SND1: variants seen among roughly 807,000 people sequenced by gnomAD.
SND1 encodes the protein staphylococcal nuclease domain-containing protein 1.
SND1 carries 38 observed loss-of-function variants against 121.7 expected under a neutral mutation model. That is an observed-to-expected ratio of 0.31 (90% CI 0.24 to 0.41). The LOEUF (loss-of-function observed/expected upper bound fraction) is 0.41. SND1 is among the 10% of genes least tolerant of loss of function. The pLI, the probability that SND1 is intolerant of heterozygous loss-of-function variation, is 1.00. For synonymous variants in SND1, 401 were observed against 447.4 expected (o/e 0.90, Z 1.31); for missense variants, 868 against 1,184.6 (o/e 0.73, Z 3.92).
chr7:127,887,772 C>T, intron 12 of SND1, 130 bp from the exon 13 acceptor site: 2 of 589,402 alleles, frequency 3.4e-6, no homozygotes. Context: ...ACTCATAGGT[C>T]TTGAAACCTT....
intron 12 of SND1, chr7:127,857,789 G>C: frequency 1.4e-6 from 1 of 707,812 alleles, no homozygotes; most frequent in Admixed American, 2.1e-5. Context: ...TGAGACACTT[G>C]GACCTCCTCC....
At chr7:128,059,080 C>G (rs1260728806) in intron 16 of SND1, among the ~76,000 whole-genome samples, 2 of 152,350 alleles carry the variant, frequency 1.3e-5, no homozygotes, top group Admixed American at 1.3e-4. Context: ...CTCGTTCCTT[C>G]TTCTACCCTG....
intron 10 of SND1, among the ~76,000 whole-genome samples, chr7:127,773,393 A>G (rs920904916): frequency 3.3e-5 from 5 of 152,016 alleles, no homozygotes; most frequent in African/African-American, 1.2e-4. Flanking sequence ...CAGAGGTTGC[A>G]GTGAGCTGAG....
intron 12 of SND1, among the ~76,000 whole-genome samples, chr7:127,854,991 G>A (rs1277164396): frequency 1.3e-5 from 2 of 149,696 alleles, no homozygotes; most frequent in African/African-American, 4.9e-5. Context: ...TATTTTGGGG[G>A]TGCTTCTTTT....
intron 17 of SND1, 151 bp downstream of exon 17, chr7:128,074,841 A>G: frequency 1.3e-6 from 1 of 758,584 alleles, no homozygotes; most frequent in Non-Finnish European, 2.1e-6. Context: ...AAGGCCACAC[A>G]CAGGCGAGGA....
intron 14 of SND1, among the ~76,000 whole-genome samples, chr7:127,909,575 AG>A (rs1800412757): frequency 6.6e-6 from 1 of 151,872 alleles, no homozygotes; most frequent in African/African-American, 2.4e-5. Flanking sequence ...CTCCTGACTC[AG>A]CCTCCTGAGT....
At chr7:127,944,297 C>T (rs575452469) in intron 15 of SND1, among the ~76,000 whole-genome samples, 218 of 152,360 alleles carry the variant, frequency 1.4e-3, no homozygotes, top group Non-Finnish European at 2.4e-3. Flanking sequence ...CAAAGCCGCC[C>T]ACCAGAGTCA....
chr7:128,013,054 TCA>T (rs1229568368), intron 16 of SND1, among the ~76,000 whole-genome samples: 6 of 152,202 alleles, frequency 3.9e-5, no homozygotes, highest in Non-Finnish European at 8.8e-5. Context: ...TTTGTTTTCC[TCA>T]CACAGTCAGA....
chr7:127,941,951 A>C (rs1318607755), intron 15 of SND1, among the ~76,000 whole-genome samples: 1 of 119,048 alleles, frequency 8.4e-6, no homozygotes, highest in Non-Finnish European at 1.6e-5. Flanking sequence ...AGTGCTACTG[A>C]TTGGGAAGTG....
chr7:127,897,235 T>A (rs1800138852), intron 13 of SND1, among the ~76,000 whole-genome samples: 3 of 152,146 alleles, frequency 2.0e-5, no homozygotes, highest in African/African-American at 4.8e-5. Flanking sequence ...GAGAGCCAAA[T>A]CTCTGGGCTA....
At chr7:127,956,939 C>A (rs973183955) in intron 15 of SND1, among the ~76,000 whole-genome samples, 1 of 152,152 alleles carries the variant, frequency 6.6e-6, no homozygotes, top group African/African-American at 2.4e-5. Flanking sequence ...CTGTTTCAGT[C>A]CCTGTCATAT....
chr7:128,079,741 C>G (rs913751387), intron 17 of SND1, among the ~76,000 whole-genome samples: 2 of 152,246 alleles, frequency 1.3e-5, no homozygotes, highest in Admixed American at 6.5e-5. Context: ...TGTCCTGAAG[C>G]TCCTGAGGAA....
At chr7:128,050,499 A>G (rs537916834) in intron 16 of SND1, among the ~76,000 whole-genome samples, 1 of 152,248 alleles carries the variant, frequency 6.6e-6, no homozygotes, top group Non-Finnish European at 1.5e-5. Flanking sequence ...CAAGGACTTC[A>G]TTAGTTATCG....
At chr7:127,997,413 A>T (rs1802690053) in intron 16 of SND1, 1 of 309,094 alleles carries the variant, frequency 3.2e-6, no homozygotes, top group Non-Finnish European at 6.3e-6. Context: ...CTGCAGAGGA[A>T]TTTGAAGAAT....
At chr7:127,934,696 G>A (rs950954984) in intron 15 of SND1, among the ~76,000 whole-genome samples, 4 of 152,094 alleles carry the variant, frequency 2.6e-5, no homozygotes, top group African/African-American at 9.7e-5. Flanking sequence ...ACAATTAAGA[G>A]CAACACAAAA....
At chr7:127,716,707 G>C (rs1222344177) in intron 9 of SND1, among the ~76,000 whole-genome samples, 2 of 151,952 alleles carry the variant, frequency 1.3e-5, no homozygotes, top group African/African-American at 4.8e-5. Flanking sequence ...GAACTTCTTT[G>C]GCTAAGACTG....
chr7:128,065,742 C>A (rs570508463), intron 16 of SND1, among the ~76,000 whole-genome samples: 8 of 152,294 alleles, frequency 5.3e-5, no homozygotes, highest in African/African-American at 1.9e-4. Context: ...AACCAGTGTT[C>A]AAGATAAAGA....
intron 15 of SND1, among the ~76,000 whole-genome samples, chr7:127,951,563 G>A (rs1299433758): frequency 2.0e-5 from 3 of 152,152 alleles, no homozygotes; most frequent in African/African-American, 2.4e-5. Context: ...GGTAGGTCAC[G>A]TGTTAAGTAT....
rs1215175981 is a variant in SND1, at chr7:128,089,770, G to A, written c.2622+78G>A. 12 of 1,299,302 alleles carry A rather than the reference G, an allele frequency of 9.2e-6. No homozygotes were observed. In the East Asian group the frequency reaches 2.2e-4, roughly 24 times the overall value. 80.5% of individuals were successfully genotyped at this position (1,299,302 alleles called of 1,614,324 possible). A position where few individuals can be genotyped will look rare whatever the true frequency, so the allele number is the denominator to read the frequency against. ...AAGGGACTGTTCCACAAGCCAGGAA[G>A]GGAGCAGGGAATCCACCATCCTGCT... On this transcript the variant is annotated intron_variant, in intron 22 of 23. Transcript: ENST00000354725.
Sources: gnomAD v4.1 joint callset for allele counts (sites outside exome capture counted in the v4.1 genomes callset) on GRCh38, gnomAD v4.1.1 for gene constraint, MANE v1.5 for transcripts, NCBI Gene and HGNC (gene_info 2026-07-23, HGNC 2026-07-21) for gene names.